Variants in TOM1L2 observed in about 807,000 individuals in gnomAD.
The protein encoded by TOM1L2 is target of myb1 like 2 membrane trafficking protein, also known as TOM1-like protein 2.
TOM1L2 carries 31 observed loss-of-function variants against 67.9 expected under a neutral mutation model. The observed-to-expected ratio is 0.46, with a 90% confidence interval of 0.34 to 0.62. The LOEUF is 0.62. Ranked by LOEUF, TOM1L2 falls within the 20% of genes least tolerant of loss-of-function variation. The pLI, the probability that TOM1L2 is intolerant of heterozygous loss-of-function variation, is 0.01. For synonymous variants in TOM1L2, 256 were observed against 254.0 expected, an observed-to-expected ratio of 1.01 and a Z score of -0.07; for missense variants, 606 against 663.5, an observed-to-expected ratio of 0.91 and a Z score of 0.95.
chr17:17,894,764 C>G (rs753103138), intron 3 of TOM1L2, among the ~76,000 whole-genome samples: 10 of 152,206 alleles, frequency 6.6e-5, no homozygotes, highest in Non-Finnish European at 1.2e-4. Context: ...AGCCCTGCGT[C>G]TACTACAAAT....
intron 3 of TOM1L2, among the ~76,000 whole-genome samples, chr17:17,894,970 T>TGC (rs1268363179): frequency 5.6e-4 from 84 of 150,362 alleles, no homozygotes; most frequent in Middle Eastern, 3.4e-3. Context: ...CATACATACA[T>TGC]ACATACATGC....
chr17:17,914,169 C>A (rs983193440), intron 1 of TOM1L2, among the ~76,000 whole-genome samples: 2 of 152,186 alleles, frequency 1.3e-5, no homozygotes, highest in African/African-American at 4.8e-5. Flanking sequence ...GAGGGGTGTT[C>A]AGAGACAGCT....
intron 12 of TOM1L2, chr17:17,859,805 T>G (rs1183893901): frequency 1.3e-5 from 2 of 152,208 alleles, no homozygotes; most frequent in Non-Finnish European, 2.9e-5. Flanking sequence ...CGCTTGAACC[T>G]GGGAGAGGAA....
At chr17:17,907,368 G>A in intron 2 of TOM1L2, 79 bp downstream of exon 2, 1 of 1,314,900 alleles carries the variant, frequency 7.6e-7, no homozygotes, top group Non-Finnish European at 1.1e-6. Flanking sequence ...AATAAAACCT[G>A]CCACCCTTAG....
intron 1 of TOM1L2, among the ~76,000 whole-genome samples, chr17:17,927,980 G>A (rs1246834128): frequency 6.6e-6 from 1 of 152,194 alleles, no homozygotes; most frequent in Non-Finnish European, 1.5e-5. Context: ...GGTATTCATA[G>A]ATGAAATTAT....
At position 17,884,671 on chromosome 17, in the gene TOM1L2, T is replaced by C; in HGVS notation, c.464A>G (p.Asp155Gly). The change falls in exon 5 of 15, where the codon GAC becomes GGC. Residue 155 changes from aspartate (D) to glycine (G), a missense_variant. Asp to Gly is a moderately conservative substitution (Grantham distance 94, BLOSUM62 -1). Transcript: ENST00000379504. Reference protein sequence around the residue: ...KRKGVEFPMADLDALSPIHTP... With the variant: ...KRKGVEFPMAGLDALSPIHTP... Reference sequence around the variant, plus strand: ...GTGTATGGGAGACAGAGCGTCCAAGTCTGCCATGGGAAATTCAACCCCTTT... The same window carrying C: ...GTGTATGGGAGACAGAGCGTCCAAGCCTGCCATGGGAAATTCAACCCCTTT... 6.2e-7 allele frequency: 1 copy of C among 1,614,082 alleles called. No individual in the cohort carries two copies. Among genetic ancestry groups the C allele is most frequent in the Non-Finnish European group, 8.5e-7 (1 of 1,180,020 alleles).
chr17:17,910,953 T>C (rs528450498), intron 1 of TOM1L2, among the ~76,000 whole-genome samples: 1 of 152,294 alleles, frequency 6.6e-6, no homozygotes, highest in South Asian at 2.1e-4. Context: ...GAATGCAAAA[T>C]GCTAAAACCA....
intron 1 of TOM1L2, among the ~76,000 whole-genome samples, chr17:17,938,701 T>C (rs1265543283): frequency 1.3e-5 from 2 of 151,748 alleles, no homozygotes; most frequent in Non-Finnish European, 2.9e-5. Flanking sequence ...TACTGACTTA[T>C]AATATCCTAC....
intron 1 of TOM1L2, among the ~76,000 whole-genome samples, chr17:17,924,295 C>T (rs753521545): frequency 5.9e-5 from 9 of 151,750 alleles, no homozygotes; most frequent in Non-Finnish European, 1.2e-4. Context: ...CTAATGGGTA[C>T]GGAATGATGA....
chr17:17,913,926 C>A (rs1006512736), intron 1 of TOM1L2, among the ~76,000 whole-genome samples: 1 of 152,200 alleles, frequency 6.6e-6, no homozygotes, highest in African/African-American at 2.4e-5. Context: ...CTTTCTTCTC[C>A]ATGAGAGTCT....
intron 12 of TOM1L2, 182 bp from the exon 13 acceptor site, chr17:17,851,134 A>T: frequency 4.9e-6 from 3 of 606,144 alleles, no homozygotes; most frequent in Non-Finnish European, 5.9e-6. Flanking sequence ...GTGAGATGGC[A>T]GGTGAGGAAA....
intron 1 of TOM1L2, among the ~76,000 whole-genome samples, chr17:17,949,242 A>G (rs1359013006): frequency 2.0e-5 from 3 of 152,170 alleles, no homozygotes; most frequent in South Asian, 2.1e-4. Flanking sequence ...CCAATGGGGA[A>G]CAGCAGTGTG....
chr17:17,937,922 A>G (rs2040574827), intron 1 of TOM1L2, among the ~76,000 whole-genome samples: 1 of 152,220 alleles, frequency 6.6e-6, no homozygotes, highest in Non-Finnish European at 1.5e-5. Context: ...GTCCACCTGC[A>G]TCTGACACTG....
chr17:17,850,968 G>A lies in TOM1L2; in HGVS notation c.1279-16C>T, dbSNP rs376873550. ...CAACGGGGATCTATGGAGGCGGCAA[G>A]CAGCGGGCCAGGCAGCCCCCACACA... On this transcript the variant is annotated splice_polypyrimidine_tract_variant and intron_variant, in intron 12 of 14. Coordinates refer to ENST00000379504, the MANE Select transcript of TOM1L2 (RefSeq NM_001082968.2). The A allele has an allele frequency of 2.1e-4, 345 of 1,613,392 alleles. No individual in the cohort carries two copies. The highest frequency in any genetic ancestry group is 2.7e-4 in the Non-Finnish European group (319 of 1,180,008).
At chr17:17,967,128 C>T (rs759890583) in intron 1 of TOM1L2, among the ~76,000 whole-genome samples, 1 of 152,186 alleles carries the variant, frequency 6.6e-6, no homozygotes, top group Non-Finnish European at 1.5e-5. Flanking sequence ...TGAGGGACAA[C>T]TAACTATTCT....
chr17:17,940,290 A>C (rs2040681443), intron 1 of TOM1L2, among the ~76,000 whole-genome samples: 1 of 151,790 alleles, frequency 6.6e-6, no homozygotes, highest in African/African-American at 2.4e-5. Context: ...CACTGATAAG[A>C]GTGGCTGGCA....
At chr17:17,888,969 G>C (rs986721222) in intron 4 of TOM1L2, among the ~76,000 whole-genome samples, 3 of 152,328 alleles carry the variant, frequency 2.0e-5, no homozygotes, top group Admixed American at 1.3e-4. Context: ...GGTGCCCCTG[G>C]GGGTAGAAGT....
chr17:17,926,623 G>A (rs2040094938), intron 1 of TOM1L2, among the ~76,000 whole-genome samples: 1 of 152,048 alleles, frequency 6.6e-6, no homozygotes, highest in African/African-American at 2.4e-5. Flanking sequence ...AGCAGTTTTG[G>A]AGGCCGAGGC....
At chr17:17,879,893 C>G (rs1426646041) in intron 6 of TOM1L2, 150 bp from the exon 7 acceptor site, 1 of 709,694 alleles carries the variant, frequency 1.4e-6, no homozygotes, top group East Asian at 2.5e-5. Flanking sequence ...CAGAGGCCAC[C>G]TTCTCATCTC....
Sources: gnomAD v4.1 joint callset for allele counts (sites outside exome capture counted in the v4.1 genomes callset) on GRCh38, gnomAD v4.1.1 for gene constraint, MANE v1.5 for transcripts, NCBI Gene and HGNC (gene_info 2026-07-23, HGNC 2026-07-21) for gene names.